Variants in C1orf185 observed in about 807,000 individuals in gnomAD.
C1orf185 encodes uncharacterized protein C1orf185.
C1orf185 carries 13 observed loss-of-function variants against 16.1 expected under a neutral mutation model. The ratio of observed to expected loss-of-function variants is 0.81; its 90% CI spans 0.53 to 1.28. The LOEUF (loss-of-function observed/expected upper bound fraction) is 1.28, where lower values mean the gene tolerates loss of function less well. C1orf185 is among the 50% of genes most tolerant of loss of function. C1orf185 has a pLI of 0.00. For synonymous variants in C1orf185, 80 were observed against 76.9 expected, an observed-to-expected ratio of 1.04 and a Z score of -0.21; for missense variants, 220 against 225.2, an observed-to-expected ratio of 0.98 and a Z score of 0.15.
At chr1:51,114,989 G>T (rs1268580109) in intron 2 of C1orf185, among the ~76,000 whole-genome samples, 1 of 152,114 alleles carries the variant, frequency 6.6e-6, no homozygotes, top group African/African-American at 2.4e-5. Flanking sequence ...TATCACCACA[G>T]ATTAATTTTG....
chr1:51,142,555 T>G (rs1646372069), intron 3 of C1orf185, among the ~76,000 whole-genome samples: 1 of 152,226 alleles, frequency 6.6e-6, no homozygotes, highest in Non-Finnish European at 1.5e-5. Context: ...TTTTTAGCTA[T>G]GAATTCAATT....
intron 3 of C1orf185, among the ~76,000 whole-genome samples, chr1:51,141,012 G>T (rs774105044): frequency 3.3e-5 from 5 of 151,982 alleles, no homozygotes; most frequent in Non-Finnish European, 7.4e-5. Context: ...CTTTTGATAG[G>T]TTAGCTCCAC....
intron 3 of C1orf185, among the ~76,000 whole-genome samples, chr1:51,125,558 G>A (rs905802146): frequency 7.2e-5 from 11 of 152,180 alleles, no homozygotes; most frequent in Non-Finnish European, 1.6e-4. Context: ...ACCATGCCCA[G>A]CTGTAATTAA....
At chr1:51,108,076 T>C (rs1469565246) in intron 1 of C1orf185, among the ~76,000 whole-genome samples, 2 of 152,198 alleles carry the variant, frequency 1.3e-5, no homozygotes, top group Non-Finnish European at 2.9e-5. Flanking sequence ...AACAGTTTTT[T>C]AAAGTATTTT....
At chr1:51,110,710 T>C (rs1218314380) in intron 1 of C1orf185, among the ~76,000 whole-genome samples, 1 of 152,214 alleles carries the variant, frequency 6.6e-6, no homozygotes, top group East Asian at 1.9e-4. Flanking sequence ...GGCTTATGCC[T>C]GTAATCCCAG....
chr1:51,105,802 T>C (rs1646066795), intron 1 of C1orf185, among the ~76,000 whole-genome samples: 1 of 152,210 alleles, frequency 6.6e-6, no homozygotes, highest in Non-Finnish European at 1.5e-5. Context: ...CTTTATGATA[T>C]ATATTGACTA....
At chr1:51,139,719 T>C (rs1481639171) in intron 3 of C1orf185, among the ~76,000 whole-genome samples, 2 of 152,216 alleles carry the variant, frequency 1.3e-5, no homozygotes, top group African/African-American at 4.8e-5. Flanking sequence ...CTTTCATTTT[T>C]TAAAACTTGT....
chr1:51,144,623 G>A (rs939314815), intron 3 of C1orf185, among the ~76,000 whole-genome samples: 2 of 152,050 alleles, frequency 1.3e-5, no homozygotes, highest in Non-Finnish European at 2.9e-5. Context: ...TGAGGCAGGA[G>A]GATCACTTGG....
chr1:51,135,614 T>G (rs775628023), intron 3 of C1orf185, among the ~76,000 whole-genome samples: 2 of 152,194 alleles, frequency 1.3e-5, no homozygotes, highest in Admixed American at 6.5e-5. Context: ...CACAACTTCA[T>G]GTTAAGAATT....
At chr1:51,113,790 C>T (rs1007842217) in intron 2 of C1orf185, among the ~76,000 whole-genome samples, 1 of 152,126 alleles carries the variant, frequency 6.6e-6, no homozygotes, top group Non-Finnish European at 1.5e-5. Flanking sequence ...TCCAGTGTTC[C>T]TTGTTGCAAA....
chr1:51,117,211 A>G (rs1646164367), intron 2 of C1orf185, among the ~76,000 whole-genome samples: 1 of 152,226 alleles, frequency 6.6e-6, no homozygotes, highest in Non-Finnish European at 1.5e-5. Flanking sequence ...AATTCAATGA[A>G]TAAGTGAATC....
intron 3 of C1orf185, among the ~76,000 whole-genome samples, chr1:51,123,830 T>C (rs1384900578): frequency 1.3e-5 from 2 of 152,148 alleles, no homozygotes; most frequent in African/African-American, 4.8e-5. Flanking sequence ...CGATCTTTCA[T>C]TCATTTTTAA....
intron 4 of C1orf185, 75 bp from the exon 5 acceptor site, chr1:51,147,392 C>T: frequency 7.7e-7 from 1 of 1,306,978 alleles, no homozygotes; most frequent in Non-Finnish European, 1.0e-6. Context: ...ATTATCCTGC[C>T]CATTCTGACA....
At chr1:51,145,626 TATA>T (rs1646393723) in intron 3 of C1orf185, 95 bp from the exon 4 acceptor site, 27 of 580,688 alleles carry the variant, frequency 4.6e-5, no homozygotes, top group Non-Finnish European at 7.3e-5. Context: ...ATTAAAAAAT[TATA>T]ATGTTAAACT....
At chr1:51,124,183 G>A (rs921080766) in intron 3 of C1orf185, among the ~76,000 whole-genome samples, 26 of 148,266 alleles carry the variant, frequency 1.8e-4, no homozygotes, top group Non-Finnish European at 3.1e-4. Flanking sequence ...CTGGGTTCAC[G>A]CCATTCTCCT....
At chr1:51,140,247 C>T (rs1286300946) in intron 3 of C1orf185, among the ~76,000 whole-genome samples, 1 of 152,094 alleles carries the variant, frequency 6.6e-6, no homozygotes, top group African/African-American at 2.4e-5. Context: ...TTACATCCTT[C>T]AGAATTTATT....
chr1:51,146,362 G>C (rs1362541285), intron 4 of C1orf185, among the ~76,000 whole-genome samples: 1 of 151,444 alleles, frequency 6.6e-6, no homozygotes, highest in African/African-American at 2.4e-5. Context: ...GGGAGGCTGG[G>C]GCAAGAGAAT....
At chr1:51,135,961 T>C (rs1476634651) in intron 3 of C1orf185, among the ~76,000 whole-genome samples, 1 of 152,204 alleles carries the variant, frequency 6.6e-6, no homozygotes, top group Non-Finnish European at 1.5e-5. Context: ...TGGCAAAGTC[T>C]CAGGATACAA....
intron 3 of C1orf185, among the ~76,000 whole-genome samples, chr1:51,129,041 T>C (rs1230001650): frequency 6.6e-6 from 1 of 151,226 alleles, no homozygotes; most frequent in Non-Finnish European, 1.5e-5. Flanking sequence ...TGTACCACCA[T>C]GCCTGGCTAA....
Sources: allele counts gnomAD v4.1 joint callset (sites outside exome capture counted in the v4.1 genomes callset), GRCh38; gene constraint gnomAD v4.1.1; transcripts MANE v1.5; gene names NCBI Gene and HGNC (gene_info 2026-07-23, HGNC 2026-07-21).